The following LAMA1 variants were observed in gnomAD, a reference collection of about 807,000 sequenced individuals.
LAMA1 encodes laminin subunit alpha 1.
In LAMA1, 219 loss-of-function variants were observed where a neutral mutation model predicts 348.7. That is an observed-to-expected ratio of 0.63 (90% CI 0.56 to 0.70). The LOEUF (loss-of-function observed/expected upper bound fraction) is 0.70, where lower values mean the gene tolerates loss of function less well. LAMA1 is among the 30% of genes least tolerant of loss of function. The probability of loss-of-function intolerance (pLI) is 0.00; values close to 1 mark genes in which losing one functional copy is unlikely to be tolerated. For missense variants in LAMA1, 3,744 were observed against 3,888.0 expected (o/e 0.96, Z 0.99); for synonymous variants, 1,487 against 1,491.0 (o/e 1.00, Z 0.06).
chr18:7,050,103 C>G (rs539193076), intron 4 of LAMA1, among the ~76,000 whole-genome samples: 1 of 152,218 alleles, frequency 6.6e-6, no homozygotes, highest in East Asian at 1.9e-4. Flanking sequence ...GTCCACAAAG[C>G]CTGAATGATA....
At chr18:7,038,210 G>T (rs181091708) in intron 11 of LAMA1, among the ~76,000 whole-genome samples, 1 of 152,046 alleles carries the variant, frequency 6.6e-6, no homozygotes, top group South Asian at 2.1e-4. Context: ...TCCCCCCAGC[G>T]TGGTGTCCAC....
intron 62 of LAMA1, 150 bp downstream of exon 62, chr18:6,943,030 T>G (rs564785884): frequency 2.4e-5 from 17 of 708,772 alleles, no homozygotes; most frequent in Non-Finnish European, 4.0e-5. Context: ...CAAGAATTCT[T>G]AGATATTTGA....
At chr18:6,968,097 C>G (rs767672325) in intron 48 of LAMA1, among the ~76,000 whole-genome samples, 1 of 152,186 alleles carries the variant, frequency 6.6e-6, no homozygotes, top group Non-Finnish European at 1.5e-5. Flanking sequence ...CCAAGTGGGT[C>G]TCTGCCTTGG....
At chr18:7,013,529 A>T (rs554701821) in intron 23 of LAMA1, among the ~76,000 whole-genome samples, 4 of 152,198 alleles carry the variant, frequency 2.6e-5, no homozygotes, top group African/African-American at 9.6e-5. Context: ...CCTCACCTGC[A>T]TACTCAAGAT....
chr18:7,012,312 C>A (rs1235844403), intron 23 of LAMA1, among the ~76,000 whole-genome samples, 174 bp from the exon 24 acceptor site: 1 of 151,972 alleles, frequency 6.6e-6, no homozygotes, highest in Non-Finnish European at 1.5e-5. Flanking sequence ...CTCAAAGATC[C>A]AATCAGTGAT....
chr18:7,098,217 C>G (rs1170790816), intron 1 of LAMA1, among the ~76,000 whole-genome samples: 1 of 152,124 alleles, frequency 6.6e-6, no homozygotes, highest in African/African-American at 2.4e-5. Context: ...ACCTCCCAGC[C>G]GCCTGCCTTG....
At chr18:6,995,764 A>G (rs1194784569) in intron 33 of LAMA1, among the ~76,000 whole-genome samples, 1 of 152,208 alleles carries the variant, frequency 6.6e-6, no homozygotes, top group Non-Finnish European at 1.5e-5. Context: ...AAATTTAACT[A>G]TAATTGCAAC....
chr18:7,037,914 C>G (rs2058002795), intron 11 of LAMA1, among the ~76,000 whole-genome samples, 163 bp from the exon 12 acceptor site: 2 of 151,996 alleles, frequency 1.3e-5, no homozygotes, highest in South Asian at 4.2e-4. Flanking sequence ...GACCCTTGAC[C>G]CTTCCACTTG....
intron 16 of LAMA1, among the ~76,000 whole-genome samples, chr18:7,031,383 A>T (rs544089530): frequency 1.8e-4 from 28 of 152,290 alleles, no homozygotes; most frequent in African/African-American, 6.3e-4. Context: ...AAGATTAACT[A>T]CCTATTTCTT....
intron 1 of LAMA1, among the ~76,000 whole-genome samples, chr18:7,104,178 C>A (rs1243215857): frequency 6.6e-6 from 1 of 152,000 alleles, no homozygotes; most frequent in Non-Finnish European, 1.5e-5. Flanking sequence ...AGGGTTTCAC[C>A]ATGTGGGCCA....
At chr18:7,073,771 T>A (rs2058155462) in intron 3 of LAMA1, among the ~76,000 whole-genome samples, 1 of 152,048 alleles carries the variant, frequency 6.6e-6, no homozygotes, top group African/African-American at 2.4e-5. Context: ...CATTCCCTAG[T>A]AGTGGAATTG....
At chr18:6,982,674 T>G (rs2048369547) in intron 40 of LAMA1, 84 bp from the exon 41 acceptor site, 1 of 1,108,578 alleles carries the variant, frequency 9.0e-7, no homozygotes, top group African/African-American at 1.5e-5. Flanking sequence ...TCCATCAGAG[T>G]AGCCCCCAGA....
chr18:7,049,998 G>C (rs1188101551), intron 4 of LAMA1, among the ~76,000 whole-genome samples: 1 of 152,160 alleles, frequency 6.6e-6, no homozygotes, highest in African/African-American at 2.4e-5. Flanking sequence ...TTCTCTCCAA[G>C]TGGTTAGAAT....
intron 57 of LAMA1, among the ~76,000 whole-genome samples, chr18:6,952,529 C>T (rs1210281503): frequency 1.3e-5 from 2 of 152,200 alleles, no homozygotes; most frequent in Non-Finnish European, 2.9e-5. Flanking sequence ...ACAGAGGTTA[C>T]AGCAGTCCCT....
intron 3 of LAMA1, chr18:7,079,757 G>A: frequency 1.7e-6 from 1 of 573,022 alleles, no homozygotes; most frequent in East Asian, 3.0e-5. Context: ...CCATATGGAA[G>A]CAATTTCACC....
intron 1 of LAMA1, among the ~76,000 whole-genome samples, chr18:7,106,743 G>A (rs2058313544): frequency 6.6e-6 from 1 of 151,994 alleles, no homozygotes; most frequent in African/African-American, 2.4e-5. Flanking sequence ...CCTGGGTATT[G>A]ATATTATTGA....
chr18:7,020,990 C>T (rs1326190961), intron 19 of LAMA1, among the ~76,000 whole-genome samples: 4 of 152,180 alleles, frequency 2.6e-5, no homozygotes, highest in Non-Finnish European at 2.9e-5. Context: ...GAGACCCTTC[C>T]GACGTGGCTG....
chr18:7,096,936 C>A (rs969208340), intron 1 of LAMA1, among the ~76,000 whole-genome samples: 1 of 152,120 alleles, frequency 6.6e-6, no homozygotes, highest in Non-Finnish European at 1.5e-5. Context: ...CCATTCTTAC[C>A]CCAGCCCGTC....
chr18:7,026,779 C>T (rs567963377), intron 16 of LAMA1, among the ~76,000 whole-genome samples: 164 of 151,892 alleles, frequency 1.1e-3, no homozygotes, highest in African/African-American at 3.7e-3. Flanking sequence ...AGGTGGATTG[C>T]GAGGTCAGGA....
Sources: gnomAD v4.1 joint callset for allele counts (sites outside exome capture counted in the v4.1 genomes callset) on GRCh38, gnomAD v4.1.1 for gene constraint, MANE v1.5 for transcripts, NCBI Gene and HGNC (gene_info 2026-07-23, HGNC 2026-07-21) for gene names.